TENT5D: variants seen among roughly 807,000 people sequenced by gnomAD.
The protein encoded by TENT5D is cancer/testis antigen 112.
For synonymous variants in TENT5D, 103 were observed against 100.6 expected (o/e 1.02, Z -0.15); for missense variants, 191 against 287.0 (o/e 0.67, Z 2.42).
rs1011835567 is a variant in TENT5D at position 80,438,607 on chromosome X, C to T, written c.-141-3C>T. The T allele has an allele frequency of 2.7e-5, 3 of 109,228 alleles. No individual in the cohort carries two copies. Among genetic ancestry groups the T allele is most frequent in the Admixed American group, 9.8e-5 (1 of 10,184 alleles). The allele number at this position is 109,228 out of a possible 1,213,427, so 9.0% of individuals were successfully genotyped here. A position where few individuals can be genotyped will look rare whatever the true frequency, so the allele number is the denominator to read the frequency against. ...CTTTATTTTTGCTTTTATTATCTTG[C>T]AGTTTTTCTGGTTGGTGTATTACTT... On this transcript the variant is annotated splice_region_variant and splice_polypyrimidine_tract_variant and intron_variant, in intron 1 of 2. Transcript: ENST00000308293.
intron 1 of TENT5D, among the ~76,000 whole-genome samples, chrX:80,424,299 A>G (rs1389117112): frequency 8.9e-6 from 1 of 112,006 alleles, no homozygotes; most frequent in Non-Finnish European, 1.9e-5. Flanking sequence ...GGATGGAGGT[A>G]AAGAAGCTTA....
chrX:80,438,585 T>C (rs1432213956), intron 1 of TENT5D, 25 bp from the exon 2 acceptor site: 1 of 109,795 alleles, frequency 9.1e-6, no homozygotes, highest in Non-Finnish European at 1.9e-5. Flanking sequence ...TAAAGAACTT[T>C]ATTTTTGCTT....
rs773892879 is a variant in TENT5D, at chrX:80,384,258, G to T, written c.-142+41694G>T. On this transcript the variant is annotated intron_variant, in intron 3 of 4. Transcript: ENST00000538312. ...AGTGGGCTTCATCCCTGGGATGCAA[G>T]GCTGGTTCAACATATGCAAATCAAT... is the stretch of plus-strand genomic sequence containing the variant. Among the ~76,000 whole-genome samples, 25 of 98,998 alleles carry T rather than the reference G, an allele frequency of 2.5e-4. No homozygotes were observed. The South Asian group carries it at 4.8e-3, about 19-fold the overall frequency. 86.0% of individuals were successfully genotyped at this position (98,998 alleles called of 115,157 possible). A position where few individuals can be genotyped will look rare whatever the true frequency, so the allele number is the denominator to read the frequency against.
intron 3 of TENT5D, among the ~76,000 whole-genome samples, chrX:80,394,171 C>T (rs1931192006): frequency 9.0e-6 from 1 of 111,162 alleles, no homozygotes; most frequent in Non-Finnish European, 1.9e-5. Context: ...ATATTCCCAC[C>T]AACGGTGTAC....
intron 3 of TENT5D, among the ~76,000 whole-genome samples, chrX:80,398,748 G>T (rs1313203149): frequency 3.7e-5 from 4 of 109,132 alleles, no homozygotes; most frequent in Non-Finnish European, 5.7e-5. Flanking sequence ...TGGATTTTCT[G>T]TTCTGTTCCA....
chrX:80,349,233 G>C (rs1275222086), intron 3 of TENT5D, among the ~76,000 whole-genome samples: 1 of 111,814 alleles, frequency 8.9e-6, no homozygotes, highest in African/African-American at 3.3e-5. Flanking sequence ...AGAAGGAATG[G>C]TACCAGCTCC....
At chrX:80,358,581 A>G (rs758577249) in intron 3 of TENT5D, among the ~76,000 whole-genome samples, 1 of 111,947 alleles carries the variant, frequency 8.9e-6, no homozygotes, top group Admixed American at 9.5e-5. Flanking sequence ...TTTATTTTTT[A>G]TTTTTTTGGA....
At position 80,384,170 on chromosome X, in the gene TENT5D, C is replaced by A. The variant is rs1038732820; in HGVS notation, c.-142+41606C>A. On this transcript the variant is annotated intron_variant, in intron 3 of 4. Coordinates refer to the TENT5D transcript ENST00000538312. The stretch of plus-strand genomic sequence containing the variant: ...CCCTGATGAACATCGATGCAAAAAT[C>A]CTCAATAAAATACTGGCAAACCGAA... Among the ~76,000 whole-genome samples the A allele has an allele frequency of 1.3e-4, 13 of 102,126 alleles. No individual in the cohort carries two copies. In the Admixed American group the frequency reaches 1.4e-3, roughly 11 times the overall value. 88.7% of individuals were successfully genotyped at this position (102,126 alleles called of 115,157 possible).
chrX:80,341,689 T>A (rs1336919763), intron 2 of TENT5D, among the ~76,000 whole-genome samples: 3 of 109,958 alleles, frequency 2.7e-5, no homozygotes, highest in Non-Finnish European at 5.7e-5. Flanking sequence ...GTAGCTGAGG[T>A]ATACTGAAAA....
intron 3 of TENT5D, among the ~76,000 whole-genome samples, chrX:80,384,778 A>G (rs1422076120): frequency 9.3e-6 from 1 of 107,575 alleles, no homozygotes; most frequent in Non-Finnish European, 1.9e-5. Context: ...TTATACACCA[A>G]TAACAGACAA....
intron 3 of TENT5D, among the ~76,000 whole-genome samples, chrX:80,399,078 A>C (rs759216074): frequency 5.4e-5 from 6 of 111,344 alleles, no homozygotes; most frequent in Admixed American, 9.5e-5. Context: ...TCATTTTGTT[A>C]ATTGTGTCCT....
intron 3 of TENT5D, among the ~76,000 whole-genome samples, chrX:80,405,365 G>T (rs1209144311): frequency 8.9e-6 from 1 of 112,318 alleles, no homozygotes; most frequent in Non-Finnish European, 1.9e-5. Flanking sequence ...ACTAGGGAGT[G>T]CCAGACAGTG....
At chrX:80,430,919 A>C (rs1216021827) in intron 1 of TENT5D, among the ~76,000 whole-genome samples, 1 of 110,836 alleles carries the variant, frequency 9.0e-6, no homozygotes, top group Non-Finnish European at 1.9e-5. Context: ...CTTGGCCCAT[A>C]GGGCTCCCAA....
chrX:80,372,461 C>T (rs1272425552), intron 3 of TENT5D, among the ~76,000 whole-genome samples: 2 of 111,715 alleles, frequency 1.8e-5, no homozygotes, highest in Non-Finnish European at 3.8e-5. Context: ...ATTGCAACTT[C>T]TTCAATAAAT....
At chrX:80,383,497 TA>T (rs992653524) in intron 3 of TENT5D, among the ~76,000 whole-genome samples, 9 of 112,253 alleles carry the variant, frequency 8.0e-5, no homozygotes, top group Non-Finnish European at 1.5e-4. Flanking sequence ...TACTGATTTT[TA>T]AAAAATCAAA....
chrX:80,445,270 C>T (rs1158052788), exon 3 of TENT5D: 1 of 122,446 alleles, frequency 8.2e-6, no homozygotes, highest in African/African-American at 3.3e-5. Context: ...ACTTTCTTGA[C>T]AAAGAATTTG....
chrX:80,382,713 C>CA (rs1471561581), intron 3 of TENT5D, among the ~76,000 whole-genome samples: 11 of 109,885 alleles, frequency 1.0e-4, no homozygotes, highest in Non-Finnish European at 1.9e-4. Flanking sequence ...CGCCCCCCCC[C>CA]CACTGCCAGG....
intron 2 of TENT5D, among the ~76,000 whole-genome samples, chrX:80,338,845 G>C (rs1929902587): frequency 1.8e-5 from 2 of 112,061 alleles, no homozygotes; most frequent in African/African-American, 6.5e-5. Context: ...TTCTGATAGA[G>C]TAAATTTGCA....
intron 3 of TENT5D, among the ~76,000 whole-genome samples, chrX:80,378,428 G>A (rs1569361803): frequency 2.7e-5 from 3 of 111,711 alleles, no homozygotes; most frequent in South Asian, 3.7e-4. Flanking sequence ...GGGTAAGGAA[G>A]GGATACAGTT....
Sources: gnomAD v4.1 joint callset for allele counts (sites outside exome capture counted in the v4.1 genomes callset) on GRCh38, gnomAD v4.1.1 for gene constraint, MANE v1.5 for transcripts, NCBI Gene and HGNC (gene_info 2026-07-23, HGNC 2026-07-21) for gene names.